RBPJ: variants seen among roughly 807,000 people sequenced by gnomAD.
The protein encoded by RBPJ is recombining binding protein suppressor of hairless.
In RBPJ, 9 loss-of-function variants were observed where a neutral mutation model predicts 67.8. The observed-to-expected ratio is 0.13, with a 90% CI of 0.08 to 0.23. The LOEUF is 0.23. Ranked by LOEUF, RBPJ falls within the 10% of genes least tolerant of loss-of-function variation. The pLI is 1.00. For synonymous variants in RBPJ, 198 were observed against 203.3 expected, an observed-to-expected ratio of 0.97 and a Z score of 0.22; for missense variants, 305 against 595.6, an observed-to-expected ratio of 0.51 and a Z score of 5.08.
rs1364097813 is a variant in RBPJ at position 26,431,202 on chromosome 4, A to AG, written c.*195_*196insG. 16 of 418,410 alleles carry AG rather than the reference A, an allele frequency of 3.8e-5. No individual in the cohort carries two copies. The East Asian group carries it at 5.3e-4, about 14-fold the overall frequency. The allele number at this position is 418,410 out of a possible 1,614,324, so 25.9% of individuals were successfully genotyped here. ...GCCACAGTAAAAAAAAAAAAAAAAA[A>AG]AAAAAAAAAGAAAAAAAAATCAAAA... is the stretch of plus-strand genomic sequence containing the variant. On this transcript the variant is annotated 3_prime_UTR_variant, in exon 11 of 11. Transcript: ENST00000355476.
intron 1 of RBPJ, among the ~76,000 whole-genome samples, chr4:26,285,138 A>G (rs1042395364): frequency 2.6e-5 from 4 of 152,166 alleles, no homozygotes; most frequent in African/African-American, 9.7e-5. Flanking sequence ...TACAGGTGTG[A>G]GCCACCACAC....
At chr4:26,298,848 C>A (rs1023486592) in intron 1 of RBPJ, among the ~76,000 whole-genome samples, 3 of 152,260 alleles carry the variant, frequency 2.0e-5, no homozygotes, top group Admixed American at 2.0e-4. Context: ...GAGGAGTTAT[C>A]AACGTACAAA....
chr4:26,125,531 G>T, the RBPJ span, among the ~76,000 whole-genome samples: 3 of 152,268 alleles, frequency 2.0e-5, no homozygotes, highest in Non-Finnish European at 4.4e-5. Context: ...AGGTGCAATG[G>T]CTCACACCTG....
intron 1 of RBPJ, among the ~76,000 whole-genome samples, chr4:26,302,611 G>C (rs1469187925): frequency 6.6e-6 from 1 of 152,228 alleles, no homozygotes; most frequent in Admixed American, 6.5e-5. Context: ...GCTGGTTATA[G>C]AGAAATGTCA....
At chr4:26,342,001 A>C (rs1445870222) in intron 1 of RBPJ, among the ~76,000 whole-genome samples, 1 of 152,212 alleles carries the variant, frequency 6.6e-6, no homozygotes, top group East Asian at 1.9e-4. Context: ...CAGAGTTCTC[A>C]CAGTGGCTTG....
At chr4:26,316,431 A>C (rs761817989), upstream of RBPJ, among the ~76,000 whole-genome samples, 1 of 128,540 alleles carries the variant, frequency 7.8e-6, no homozygotes. Flanking sequence ...ATACATTCAT[A>C]TATACATTCA....
intron 1 of RBPJ, among the ~76,000 whole-genome samples, chr4:26,172,409 C>G (rs1452910452): frequency 1.3e-5 from 2 of 152,174 alleles, no homozygotes; most frequent in African/African-American, 2.4e-5. Context: ...AGGGAATAGA[C>G]TCTTAGGATA....
Position 26,432,606 on chromosome 4 carries a change from T to C in RBPJ, c.*1599T>C, listed in dbSNP as rs1298135675. The stretch of plus-strand genomic sequence containing the variant: ...TGCCTTTGTTTGGTTTCTTCGAAAT[T>C]GCAGCAGACTCATTGGGCTACATTT... On this transcript the variant is annotated 3_prime_UTR_variant, in exon 11 of 11. Coordinates refer to ENST00000355476, the MANE Select transcript of RBPJ (RefSeq NM_015874.6). The C allele has an allele frequency of 6.6e-6, 1 of 152,218 alleles. No homozygotes were observed. Among genetic ancestry groups the C allele is most frequent in the Non-Finnish European group, 1.5e-5 (1 of 68,042 alleles). The allele number at this position is 152,218 out of a possible 1,614,324, so 9.4% of individuals were successfully genotyped here.
chr4:26,333,441 T>C (rs151168717), intron 1 of RBPJ, among the ~76,000 whole-genome samples: 43 of 152,324 alleles, frequency 2.8e-4, no homozygotes, highest in Non-Finnish European at 3.4e-4. Flanking sequence ...AATAAACTTA[T>C]TTTTAAAGTT....
upstream of RBPJ, chr4:26,320,716 T>C (rs776415457): frequency 3.9e-6 from 6 of 1,545,752 alleles, no homozygotes; most frequent in South Asian, 6.0e-5. Flanking sequence ...CGTACGTCCC[T>C]CAAAGCGCGT....
chr4:26,416,464 A>G (rs569845078), intron 4 of RBPJ, among the ~76,000 whole-genome samples: 3 of 152,220 alleles, frequency 2.0e-5, no homozygotes, highest in African/African-American at 7.2e-5. Context: ...TCCTGAGCTC[A>G]AGCAATCCAT....
chr4:26,326,089 GC>G (rs1287451734), intron 1 of RBPJ, among the ~76,000 whole-genome samples: 1 of 152,030 alleles, frequency 6.6e-6, no homozygotes, highest in Non-Finnish European at 1.5e-5. Flanking sequence ...AGGACTCAGT[GC>G]TTTGAAATCT....
intron 1 of RBPJ, among the ~76,000 whole-genome samples, chr4:26,382,750 A>G (rs534712963): frequency 6.6e-6 from 1 of 152,342 alleles, no homozygotes; most frequent in Non-Finnish European, 1.5e-5. Context: ...TATGTTATCC[A>G]GGCTGGTCTT....
chr4:26,307,174 G>C (rs1412161295), intron 1 of RBPJ, among the ~76,000 whole-genome samples: 1 of 152,186 alleles, frequency 6.6e-6, no homozygotes, highest in Non-Finnish European at 1.5e-5. Flanking sequence ...ATTACCAACT[G>C]TCAGCATTGT....
intron 3 of RBPJ, among the ~76,000 whole-genome samples, chr4:26,408,897 A>C (rs1733741316): frequency 6.6e-6 from 1 of 152,214 alleles, no homozygotes; most frequent in African/African-American, 2.4e-5. Flanking sequence ...AAGATCCTTT[A>C]AATACTTAAA....
intron 1 of RBPJ, among the ~76,000 whole-genome samples, chr4:26,250,923 A>C (rs900801963): frequency 7.2e-5 from 11 of 152,180 alleles, no homozygotes; most frequent in African/African-American, 2.7e-4. Context: ...TATTCTGTGG[A>C]AGTAAACTTT....
chr4:26,216,459 T>C (rs1718725677), intron 1 of RBPJ, among the ~76,000 whole-genome samples: 1 of 152,064 alleles, frequency 6.6e-6, no homozygotes, highest in South Asian at 2.1e-4. Flanking sequence ...TTTGAAAACC[T>C]TGAAGAGAAA....
chr4:26,185,802 A>G (rs1174023198), intron 1 of RBPJ, among the ~76,000 whole-genome samples: 4 of 152,170 alleles, frequency 2.6e-5, no homozygotes, highest in African/African-American at 7.2e-5. Context: ...GCTCACATCT[A>G]TAATCCCAGC....
At chr4:26,175,745 C>T (rs1002487529) in intron 1 of RBPJ, among the ~76,000 whole-genome samples, 4 of 152,216 alleles carry the variant, frequency 2.6e-5, no homozygotes, top group African/African-American at 9.7e-5. Context: ...GGACACTATT[C>T]TCCATGGTCT....
Sources: allele counts gnomAD v4.1 joint callset (sites outside exome capture counted in the v4.1 genomes callset), GRCh38; gene constraint gnomAD v4.1.1; transcripts MANE v1.5; gene names NCBI Gene and HGNC (gene_info 2026-07-23, HGNC 2026-07-21).